The following ERC2 variants were observed in gnomAD, a reference collection of about 807,000 sequenced individuals.
ERC2 encodes the protein ERC protein 2.
A neutral mutation model predicts 114.8 loss-of-function variants in ERC2; 42 were observed. The ratio of observed to expected loss-of-function variants is 0.37; its 90% CI spans 0.29 to 0.47. The LOEUF (loss-of-function observed/expected upper bound fraction) is 0.47. ERC2 is among the 20% of genes least tolerant of loss of function. The pLI, the probability that ERC2 is intolerant of heterozygous loss-of-function variation, is 0.99. For missense variants in ERC2, 939 were observed against 1,150.7 expected, an observed-to-expected ratio of 0.82 and a Z score of 2.66; for synonymous variants, 454 against 425.5, an observed-to-expected ratio of 1.07 and a Z score of -0.82.
intron 15 of ERC2, among the ~76,000 whole-genome samples, chr3:55,705,203 C>T (rs1422631781): frequency 1.3e-5 from 2 of 152,120 alleles, no homozygotes; most frequent in Non-Finnish European, 2.9e-5. Context: ...CAGATCCCCT[C>T]CAGCTGAGGG....
chr3:56,366,006 C>T (rs2059136960), intron 2 of ERC2, among the ~76,000 whole-genome samples: 1 of 152,200 alleles, frequency 6.6e-6, no homozygotes, highest in Non-Finnish European at 1.5e-5. Flanking sequence ...ACCTCTGCAG[C>T]AACCAGCCTG....
intron 14 of ERC2, among the ~76,000 whole-genome samples, chr3:55,882,401 T>G (rs1054677896): frequency 2.6e-5 from 4 of 152,198 alleles, no homozygotes; most frequent in Middle Eastern, 3.2e-3. Flanking sequence ...TCAGTATTCC[T>G]TTATAGCAAC....
At chr3:56,379,914 T>G in intron 2 of ERC2, among the ~76,000 whole-genome samples, 1 of 152,198 alleles carries the variant, frequency 6.6e-6, no homozygotes, top group East Asian at 1.9e-4. Flanking sequence ...TTGGAGCCTT[T>G]GCTCTGGGTC....
intron 2 of ERC2, among the ~76,000 whole-genome samples, chr3:56,421,571 A>G (rs2061390182): frequency 6.6e-6 from 1 of 152,252 alleles, no homozygotes. Flanking sequence ...TTGAATGAAG[A>G]AGATACACAT....
At chr3:56,297,285 A>G (rs1446050915) in intron 2 of ERC2, among the ~76,000 whole-genome samples, 1 of 152,170 alleles carries the variant, frequency 6.6e-6, no homozygotes, top group Non-Finnish European at 1.5e-5. Flanking sequence ...CATGGAGTTT[A>G]TAGCATTGAC....
chr3:55,745,768 C>T (rs529072284), intron 14 of ERC2, among the ~76,000 whole-genome samples: 3 of 152,262 alleles, frequency 2.0e-5, no homozygotes, highest in Non-Finnish European at 2.9e-5. Flanking sequence ...AAGAGACTGT[C>T]GTATTGCATT....
intron 7 of ERC2, among the ~76,000 whole-genome samples, chr3:56,050,446 G>A (rs978657614): frequency 6.6e-6 from 1 of 152,266 alleles, no homozygotes; most frequent in Non-Finnish European, 1.5e-5. Flanking sequence ...ATGGAAAAGT[G>A]TTGGGGTCAA....
At chr3:56,386,321 C>A (rs1024257142) in intron 2 of ERC2, among the ~76,000 whole-genome samples, 1 of 152,120 alleles carries the variant, frequency 6.6e-6, no homozygotes, top group Non-Finnish European at 1.5e-5. Flanking sequence ...CAGTGAAACA[C>A]TCCAAGCATC....
At chr3:56,040,639 T>TATAGATGTATATGTATATATACAA (rs1560072879) in intron 7 of ERC2, among the ~76,000 whole-genome samples, 2 of 103,588 alleles carry the variant, frequency 1.9e-5, no homozygotes, top group Admixed American at 9.7e-5. Context: ...TATATATACA[T>TATAGATGTATATGTATATATACAA]ATATAGATGT....
chr3:56,027,474 A>G (rs2074116900), intron 7 of ERC2, among the ~76,000 whole-genome samples: 1 of 152,152 alleles, frequency 6.6e-6, no homozygotes, highest in Non-Finnish European at 1.5e-5. Context: ...CATCCCCACA[A>G]ACTTTTGGTG....
At chr3:55,616,942 C>T (rs2059145225) in intron 17 of ERC2, among the ~76,000 whole-genome samples, 1 of 152,158 alleles carries the variant, frequency 6.6e-6, no homozygotes, top group Admixed American at 6.5e-5. Flanking sequence ...TTCACTAACA[C>T]ATAGGTGTGA....
In ERC2 at chr3:56,433,190, AAAAG is replaced by A. The variant is rs761363242; in HGVS notation, c.657+1157_657+1160del. Among the ~76,000 whole-genome samples, 59 of 19,088 alleles carry A rather than the reference AAAAG, an allele frequency of 3.1e-3. No individual in the cohort carries two copies. The Middle Eastern group carries it at 0.071, about 23-fold the overall frequency. The allele number at this position is 19,088 out of a possible 152,430, so 12.5% of individuals were successfully genotyped here. ...AGACCCTGTCTCTTAAAAAAAAAAAAAAAGAGAGAGAGAGAGAGAGAGAGCAAGA... is the reference window on the plus strand; with the variant it reads ...AGACCCTGTCTCTTAAAAAAAAAAAAAGAGAGAGAGAGAGAGAGAGCAAGA... On this transcript the variant is annotated intron_variant, in intron 2 of 17. Coordinates refer to ENST00000288221, the MANE Select transcript of ERC2 (RefSeq NM_015576.3).
At chr3:56,110,519 G>A (rs1519034) in intron 6 of ERC2, among the ~76,000 whole-genome samples, 141,419 of 152,202 alleles carry the variant, frequency 0.93, 65,891 homozygotes, top group East Asian at 1. Flanking sequence ...TCAAAACCCT[G>A]AATTTTGGCT....
At position 55,701,811 on chromosome 3, in the gene ERC2, C is replaced by G. The variant is rs536078882; in HGVS notation, c.2713-2299G>C. Among the ~76,000 whole-genome samples the G allele has an allele frequency of 4.5e-4, 68 of 152,274 alleles. No individual in the cohort carries two copies. The South Asian group carries it at 0.013, about 29-fold the overall frequency. On this transcript the variant is annotated intron_variant, in intron 15 of 17. Transcript: ENST00000288221. ...AGATTCTGAAATTTGGCGTTTACACCTAAAATTCCAGTATTGTCAGGATCC... is the reference window on the plus strand; with the variant it reads ...AGATTCTGAAATTTGGCGTTTACACGTAAAATTCCAGTATTGTCAGGATCC...
At chr3:56,125,787 T>C (rs2079832099) in intron 6 of ERC2, among the ~76,000 whole-genome samples, 1 of 152,206 alleles carries the variant, frequency 6.6e-6, no homozygotes, top group Non-Finnish European at 1.5e-5. Flanking sequence ...ATGGTTGCCA[T>C]CATGTTTGGA....
intron 2 of ERC2, among the ~76,000 whole-genome samples, chr3:56,334,907 T>G (rs1191483592): frequency 6.6e-6 from 1 of 152,162 alleles, no homozygotes; most frequent in African/African-American, 2.4e-5. Flanking sequence ...TGGGTTCAGG[T>G]GATCCTCGTG....
intron 17 of ERC2, among the ~76,000 whole-genome samples, chr3:55,538,753 C>G (rs938153963): frequency 1.1e-4 from 17 of 152,112 alleles, no homozygotes; most frequent in African/African-American, 4.1e-4. Flanking sequence ...CCCGGAATAA[C>G]CGATTGTTTC....
chr3:55,789,519 G>A (rs2069806043), intron 14 of ERC2, among the ~76,000 whole-genome samples: 1 of 152,190 alleles, frequency 6.6e-6, no homozygotes, highest in Non-Finnish European at 1.5e-5. Context: ...TGCATAGAGA[G>A]ATTACCGATG....
chr3:56,419,247 T>C (rs572254230), intron 2 of ERC2, among the ~76,000 whole-genome samples: 2 of 152,296 alleles, frequency 1.3e-5, no homozygotes, highest in South Asian at 4.1e-4. Context: ...TTATCACAAA[T>C]GCCTACAGCA....
Sources: allele counts gnomAD v4.1 joint callset (sites outside exome capture counted in the v4.1 genomes callset), GRCh38; gene constraint gnomAD v4.1.1; transcripts MANE v1.5; gene names NCBI Gene and HGNC (gene_info 2026-07-23, HGNC 2026-07-21).